Variants in STK32B observed in about 807,000 individuals in gnomAD.
STK32B encodes serine/threonine-protein kinase 32B.
In STK32B, 43 loss-of-function variants were observed where a neutral mutation model predicts 52.6. That is an observed-to-expected ratio of 0.82 (90% CI 0.64 to 1.05). The LOEUF (loss-of-function observed/expected upper bound fraction) is 1.05. Among genes scored for constraint, STK32B ranks in the 50% least tolerant of loss-of-function variants. STK32B has a pLI of 0.00. For synonymous variants in STK32B, 238 were observed against 204.3 expected (o/e 1.17, Z -1.41); for missense variants, 621 against 534.6 (o/e 1.16, Z -1.59).
chr4:5,039,838 G>A, the STK32B span, among the ~76,000 whole-genome samples: 1 of 152,148 alleles, frequency 6.6e-6, no homozygotes. Flanking sequence ...TTGTACATGT[G>A]GTCCATTGCT....
At chr4:5,333,381 T>A (rs373440599) in intron 4 of STK32B, among the ~76,000 whole-genome samples, 2 of 152,220 alleles carry the variant, frequency 1.3e-5, no homozygotes, top group Non-Finnish European at 2.9e-5. Flanking sequence ...ATATTAGCCC[T>A]TTGTCAGATG....
chr4:5,488,503 G>T (rs761009945), intron 11 of STK32B, among the ~76,000 whole-genome samples: 5 of 152,038 alleles, frequency 3.3e-5, no homozygotes, highest in Non-Finnish European at 7.4e-5. Context: ...TGTTAGAAAG[G>T]TTATCATAAA....
intron 4 of STK32B, among the ~76,000 whole-genome samples, chr4:5,351,224 T>C (rs200809427): frequency 7.2e-6 from 1 of 138,366 alleles, no homozygotes; most frequent in South Asian, 2.3e-4. Context: ...ATATGTTAGG[T>C]CTCAACAAAT....
intron 3 of STK32B, among the ~76,000 whole-genome samples, chr4:5,326,478 C>G (rs140901071): frequency 2.0e-5 from 3 of 152,326 alleles, no homozygotes; most frequent in Non-Finnish European, 4.4e-5. Context: ...AACAGTGCCT[C>G]TTTCTGCATT....
chr4:5,220,666 A>T (rs1723473235), intron 3 of STK32B, among the ~76,000 whole-genome samples: 1 of 152,206 alleles, frequency 6.6e-6, no homozygotes, highest in Admixed American at 6.5e-5. Flanking sequence ...TTCATCCTGC[A>T]GACAATGAGG....
intron 1 of STK32B, among the ~76,000 whole-genome samples, chr4:5,092,421 A>C (rs1016251366): frequency 7.9e-5 from 12 of 152,070 alleles, no homozygotes; most frequent in Non-Finnish European, 1.2e-4. Flanking sequence ...AGTCCCAGCT[A>C]CTCGGGAGGC....
At chr4:5,375,800 G>T (rs1050664987) in intron 4 of STK32B, among the ~76,000 whole-genome samples, 4 of 152,162 alleles carry the variant, frequency 2.6e-5, no homozygotes, top group African/African-American at 9.7e-5. Context: ...TGATGGGTCA[G>T]TCTGGGGCGG....
intron 1 of STK32B, among the ~76,000 whole-genome samples, chr4:5,109,479 C>T (rs1714276907): frequency 6.6e-6 from 1 of 152,146 alleles, no homozygotes; most frequent in Admixed American, 6.5e-5. Flanking sequence ...AAATGATAGG[C>T]ATGTCCACAT....
chr4:5,149,089 C>T (rs80261389), intron 2 of STK32B, among the ~76,000 whole-genome samples: 11,722 of 151,734 alleles, frequency 0.077, 531 homozygotes, highest in South Asian at 0.12. Context: ...TTTCTTAAAA[C>T]GCTGTGTAAA....
At chr4:5,435,191 T>C (rs1472530113) in intron 6 of STK32B, among the ~76,000 whole-genome samples, 3 of 152,192 alleles carry the variant, frequency 2.0e-5, no homozygotes, top group Admixed American at 6.5e-5. Flanking sequence ...TACCAAAACA[T>C]TGGAAGAAGC....
chr4:5,241,356 A>G (rs1725008353), intron 3 of STK32B, among the ~76,000 whole-genome samples: 1 of 152,152 alleles, frequency 6.6e-6, no homozygotes, highest in Admixed American at 6.5e-5. Flanking sequence ...GTTTACAAAA[A>G]CTTATGTAAA....
chr4:5,291,783 G>A (rs1560290690), intron 3 of STK32B, among the ~76,000 whole-genome samples: 2 of 151,956 alleles, frequency 1.3e-5, no homozygotes, highest in Admixed American at 1.3e-4. Context: ...GGTTGGGTTT[G>A]TTTTTGTTTT....
intron 2 of STK32B, among the ~76,000 whole-genome samples, chr4:5,148,351 A>AT (rs1717084621): frequency 6.6e-6 from 1 of 151,750 alleles, no homozygotes; most frequent in Non-Finnish European, 1.5e-5. Flanking sequence ...GATTTTAGAC[A>AT]TTTTGTTCTA....
At chr4:5,249,186 T>C (rs1725699539) in intron 3 of STK32B, among the ~76,000 whole-genome samples, 1 of 152,234 alleles carries the variant, frequency 6.6e-6, no homozygotes. Context: ...AGCATTTTAC[T>C]GAATTTGTGG....
At chr4:5,455,968 C>T (rs1438575006) in intron 7 of STK32B, among the ~76,000 whole-genome samples, 3 of 152,104 alleles carry the variant, frequency 2.0e-5, no homozygotes, top group Non-Finnish European at 2.9e-5. Flanking sequence ...CATCCCAAGA[C>T]ATGTGGCCAT....
chr4:5,193,423 C>T (rs943276743), intron 3 of STK32B, among the ~76,000 whole-genome samples: 3 of 152,196 alleles, frequency 2.0e-5, no homozygotes, highest in Non-Finnish European at 2.9e-5. Context: ...GATCCTTAGG[C>T]CTTTAGCAGA....
At chr4:5,295,712 A>G (rs1167021940) in intron 3 of STK32B, among the ~76,000 whole-genome samples, 2 of 151,996 alleles carry the variant, frequency 1.3e-5, no homozygotes, top group African/African-American at 4.8e-5. Flanking sequence ...AATCTTTTCA[A>G]AAAACCAGCT....
rs1272839856 is a variant in STK32B at position 5,467,448 on chromosome 4, G to T, written c.1042-558G>T. 1.3e-5 allele frequency among the ~76,000 whole-genome samples: 2 copies of T among 152,090 alleles called. No homozygotes were observed. Among genetic ancestry groups the T allele is most frequent in the Non-Finnish European group, 2.9e-5 (2 of 68,038 alleles). On this transcript the variant is annotated intron_variant, in intron 10 of 11. Transcript: ENST00000282908. This position sits in a 1 kb window ranked among gnomAD's most constrained non-coding sequence, Gnocchi z 5.8. ...GCATGGCCTTATTCTCTGTGTCTTC[G>T]CATGTCTTCATATGGCCTTCATATA...
intron 3 of STK32B, among the ~76,000 whole-genome samples, chr4:5,280,411 A>T (rs1363408148): frequency 6.6e-6 from 1 of 152,130 alleles, no homozygotes; most frequent in Non-Finnish European, 1.5e-5. Context: ...GTCTCTAGGA[A>T]GTTCCAAACT....
Sources: gnomAD v4.1 joint callset for allele counts (sites outside exome capture counted in the v4.1 genomes callset) on GRCh38, gnomAD v4.1.1 for gene constraint, Gnocchi (gnomAD v3.1) non-coding constraint, MANE v1.5 for transcripts, NCBI Gene and HGNC (gene_info 2026-07-23, HGNC 2026-07-21) for gene names.